TTC7A: variants seen among roughly 807,000 people sequenced by gnomAD.
The protein encoded by TTC7A is tetratricopeptide repeat protein 7A.
A neutral mutation model predicts 103.7 loss-of-function variants in TTC7A; 110 were observed. The ratio of observed to expected loss-of-function variants is 1.06; its 90% CI spans 0.91 to 1.24. The LOEUF (loss-of-function observed/expected upper bound fraction) is 1.24, where lower values mean the gene tolerates loss of function less well. Ranked by LOEUF, TTC7A falls within the 50% of genes most tolerant of loss-of-function variation. The pLI, the probability that TTC7A is intolerant of heterozygous loss-of-function variation, is 0.00. For synonymous variants in TTC7A, 521 were observed against 467.9 expected (o/e 1.11, Z -1.47); for missense variants, 1,340 against 1,116.3 (o/e 1.20, Z -2.86).
At chr2:47,017,238 G>T (rs1376831417) in intron 11 of TTC7A, among the ~76,000 whole-genome samples, 1 of 148,446 alleles carries the variant, frequency 6.7e-6, no homozygotes, top group Admixed American at 6.8e-5. Flanking sequence ...ATTTGAGACT[G>T]GGGTGGTAGG....
intron 3 of TTC7A, 161 bp from the exon 4 acceptor site, chr2:46,974,812 C>G: frequency 1.1e-6 from 1 of 948,042 alleles, no homozygotes; most frequent in Non-Finnish European, 1.6e-6. Flanking sequence ...CTAACACCAC[C>G]GTCGCTTCAG....
Position 46,994,400 on chromosome 2 carries a change from G to A in TTC7A, c.887G>A (p.Ser296Asn), listed in dbSNP as rs771659534. The change falls in exon 7 of 20, where the codon AGT (serine) becomes AAT (asparagine). Residue 296 changes from serine to asparagine, a missense_variant. Transcript: ENST00000319190. ...GCGGGGGTCCTGCTGCACTCCCTGA[G>A]TGAGGAGTGCTACTGGAGCCCCCTG... ...HLAGVLLHSL[S>N]EECYWSPLSH... is the part of the protein sequence containing the mutation. 6.2e-7 allele frequency: 1 copy of A among 1,614,026 alleles called. No individual in the cohort carries two copies. The highest frequency in any genetic ancestry group is 8.5e-7 in the Non-Finnish European group (1 of 1,179,956).
At chr2:46,957,466 G>T (rs1671977316) in intron 3 of TTC7A, among the ~76,000 whole-genome samples, 1 of 152,222 alleles carries the variant, frequency 6.6e-6, no homozygotes, top group African/African-American at 2.4e-5. Context: ...TGCTGTAGGA[G>T]TCTGCCACTC....
At chr2:46,959,506 T>G (rs1418570055) in intron 3 of TTC7A, among the ~76,000 whole-genome samples, 1 of 152,088 alleles carries the variant, frequency 6.6e-6, no homozygotes, top group Non-Finnish European at 1.5e-5. Context: ...CTGGTCAGGC[T>G]AGGAGGCTCT....
At chr2:46,963,684 T>G (rs561532505) in intron 3 of TTC7A, among the ~76,000 whole-genome samples, 4 of 152,228 alleles carry the variant, frequency 2.6e-5, no homozygotes, top group Non-Finnish European at 4.4e-5. Context: ...TTATGGCCCC[T>G]TGTACTAGAA....
At chr2:46,922,929 T>G (rs1017683715) in intron 2 of TTC7A, among the ~76,000 whole-genome samples, 1 of 152,204 alleles carries the variant, frequency 6.6e-6, no homozygotes, top group Non-Finnish European at 1.5e-5. Flanking sequence ...CCCTAAAACA[T>G]CTGACTGAAT....
Position 47,029,365 on chromosome 2 carries a change from G to T in TTC7A, c.1783G>T (p.Glu595Ter), listed in dbSNP as rs201481224. Residue 595 changes from glutamate (E) to a stop codon, truncating the protein, a stop_gained, in exon 15 of 20, where the codon GAG becomes TAG. Coordinates refer to ENST00000319190, the MANE Select transcript of TTC7A (RefSeq NM_020458.4). LOFTEE classifies it high-confidence loss of function. Reference sequence around the variant, plus strand: ...GGATGTTGTCAACATGGCCATCACCGAGCACCCTGAGAACTTCAAGTGAGT... The same window carrying T: ...GGATGTTGTCAACATGGCCATCACCTAGCACCCTGAGAACTTCAAGTGAGT... ...ALDVVNMAIT[E>*]HPENFNLMFT... 2 of 1,613,830 alleles carry T rather than the reference G, an allele frequency of 1.2e-6. No homozygotes were observed. Among genetic ancestry groups the T allele is most frequent in the African/African-American group, 2.7e-5 (2 of 75,052 alleles).
intron 19 of TTC7A, among the ~76,000 whole-genome samples, chr2:47,072,706 A>C (rs1214452013): frequency 6.6e-6 from 1 of 152,162 alleles, no homozygotes; most frequent in Non-Finnish European, 1.5e-5. Context: ...TCTTGGAACA[A>C]GAGAAGGGCC....
chr2:46,926,750 G>T (rs1669404252), intron 2 of TTC7A, among the ~76,000 whole-genome samples: 4 of 152,156 alleles, frequency 2.6e-5, no homozygotes, highest in Admixed American at 2.6e-4. Context: ...TAGACATGAG[G>T]AAACAAGACA....
At position 47,029,360 on chromosome 2, in the gene TTC7A, T is replaced by C. The variant is rs1680269300; in HGVS notation, c.1778T>C (p.Ile593Thr). 6.2e-7 allele frequency: 1 copy of C among 1,613,804 alleles called. No individual in the cohort carries two copies. Among genetic ancestry groups the C allele is most frequent in the South Asian group, 1.1e-5 (1 of 91,094 alleles). Residue 593 changes from isoleucine to threonine, a missense_variant, in exon 15 of 20, where the codon ATC (isoleucine) becomes ACC (threonine). Transcript: ENST00000319190. Reference protein sequence around the residue: ...QHALDVVNMAITEHPENFNLM... With the variant: ...QHALDVVNMATTEHPENFNLM... Reference sequence around the variant, plus strand: ...GCCCTGGATGTTGTCAACATGGCCATCACCGAGCACCCTGAGAACTTCAAG... The same window carrying C: ...GCCCTGGATGTTGTCAACATGGCCACCACCGAGCACCCTGAGAACTTCAAG...
intron 3 of TTC7A, among the ~76,000 whole-genome samples, chr2:46,959,416 C>G (rs1411453653): frequency 6.6e-6 from 1 of 152,126 alleles, no homozygotes; most frequent in East Asian, 1.9e-4. Flanking sequence ...TTGGTACTCT[C>G]AGGGGGTGGG....
chr2:47,021,877 C>T lies in TTC7A; in HGVS notation c.1408C>T (p.His470Tyr). Reference sequence around the variant, plus strand: ...CTCTTTGCAGCTAGAGGAAGCAGAGCACTTTGCCATGATGGTGATCAGCCT... The same window carrying T: ...CTCTTTGCAGCTAGAGGAAGCAGAGTACTTTGCCATGATGGTGATCAGCCT... ...GSLRWLEEAE[H>Y]FAMMVISLGE... Residue 470 changes from histidine to tyrosine, a missense_variant, in exon 12 of 20, where the codon CAC (histidine) becomes TAC (tyrosine). Physicochemically the swap from His to Tyr is moderately conservative, Grantham distance 83 (BLOSUM62 2). Coordinates refer to ENST00000319190, the MANE Select transcript of TTC7A (RefSeq NM_020458.4). 1 of 1,614,132 alleles carries T rather than the reference C, an allele frequency of 6.2e-7. No individual in the cohort carries two copies. Among genetic ancestry groups the T allele is most frequent in the Non-Finnish European group, 8.5e-7 (1 of 1,179,962 alleles).
chr2:47,062,502 A>G (rs1291843458), intron 19 of TTC7A, among the ~76,000 whole-genome samples: 3 of 152,190 alleles, frequency 2.0e-5, no homozygotes, highest in Non-Finnish European at 4.4e-5. Context: ...CAATTTAGAC[A>G]TTAGCTTCTT....
intron 8 of TTC7A, among the ~76,000 whole-genome samples, chr2:46,997,654 C>T (rs1346640292): frequency 6.6e-6 from 1 of 152,152 alleles, no homozygotes; most frequent in Non-Finnish European, 1.5e-5. Flanking sequence ...CCTGGACTTC[C>T]ATCCTGGTAC....
In TTC7A at chr2:46,941,452, C is replaced by G; in HGVS notation, c.-90C>G. On this transcript the variant is annotated 5_prime_UTR_variant, in exon 1 of 20. Coordinates refer to ENST00000319190, the MANE Select transcript of TTC7A (RefSeq NM_020458.4). This position sits in a 1 kb window ranked among gnomAD's most constrained non-coding sequence, Gnocchi z 4.2. ...GGCTGCCGTCTGCGCCCCCGTCGACCCCGCCCGCGAGTGCGCCCCAGCCAG... is the reference window on the plus strand; with the variant it reads ...GGCTGCCGTCTGCGCCCCCGTCGACGCCGCCCGCGAGTGCGCCCCAGCCAG... 7.2e-7 allele frequency: 1 copy of G among 1,392,950 alleles called. No homozygotes were observed. Among genetic ancestry groups the G allele is most frequent in the Non-Finnish European group, 9.4e-7 (1 of 1,059,158 alleles). 86.3% of individuals were successfully genotyped at this position (1,392,950 alleles called of 1,614,324 possible).
chr2:47,016,625 A>G (rs989187081), intron 11 of TTC7A, among the ~76,000 whole-genome samples: 1 of 152,148 alleles, frequency 6.6e-6, no homozygotes, highest in Admixed American at 6.5e-5. Flanking sequence ...AACTCTGGAA[A>G]CTCACCCTAG....
chr2:47,060,690 T>C lies in TTC7A; in HGVS notation c.2153-79T>C, dbSNP rs1683697525. The C allele has an allele frequency of 2.2e-6, 3 of 1,384,074 alleles. No homozygotes were observed. In the South Asian group the frequency reaches 3.9e-5, roughly 18 times the overall value. 85.7% of individuals were successfully genotyped at this position (1,384,074 alleles called of 1,614,324 possible). ...TGTCACCTAAGACTAGTTCCCTGGC[T>C]CTGAGGATGCAGGGAGGGGGTCAGG... On this transcript the variant is annotated intron_variant, in intron 18 of 19. Coordinates refer to ENST00000319190, the MANE Select transcript of TTC7A (RefSeq NM_020458.4).
At chr2:46,921,477 A>G (rs1669099047) in intron 2 of TTC7A, among the ~76,000 whole-genome samples, 1 of 152,244 alleles carries the variant, frequency 6.6e-6, no homozygotes, top group African/African-American at 2.4e-5. Flanking sequence ...TTAATAGTCT[A>G]GTCATTCTGT....
At chr2:46,917,846 G>C (rs538125581) in intron 2 of TTC7A, among the ~76,000 whole-genome samples, 1 of 152,092 alleles carries the variant, frequency 6.6e-6, no homozygotes, top group South Asian at 2.1e-4. Context: ...TTCTTCTCTT[G>C]TTTTCTGACA....
Sources: allele counts gnomAD v4.1 joint callset (sites outside exome capture counted in the v4.1 genomes callset), GRCh38; gene constraint gnomAD v4.1.1; non-coding constraint Gnocchi (gnomAD v3.1); transcripts MANE v1.5; gene names NCBI Gene and HGNC (gene_info 2026-07-23, HGNC 2026-07-21).